The following SEC22C variants were observed in gnomAD, a reference collection of about 807,000 sequenced individuals.
The protein encoded by SEC22C is vesicle-trafficking protein SEC22c.
Under a neutral mutation model 34.7 loss-of-function variants are expected in SEC22C, and 29 were observed. The observed-to-expected ratio is 0.84, with a 90% confidence interval of 0.62 to 1.14. The LOEUF (loss-of-function observed/expected upper bound fraction) is 1.14. Among genes scored for constraint, SEC22C ranks in the 50% most tolerant of loss-of-function variants. SEC22C has a pLI of 0.00. For missense variants in SEC22C, 337 were observed against 369.0 expected, an observed-to-expected ratio of 0.91 and a Z score of 0.71; for synonymous variants, 117 against 132.8, an observed-to-expected ratio of 0.88 and a Z score of 0.82.
intron 1 of SEC22C, among the ~76,000 whole-genome samples, chr3:42,581,642 G>A (rs928971313): frequency 1.3e-5 from 2 of 152,268 alleles, no homozygotes; most frequent in Non-Finnish European, 2.9e-5. Context: ...CCCGGGGTCC[G>A]GGAACAGGCT....
In SEC22C at chr3:42,555,979, A is replaced by G. The variant is rs777054184; in HGVS notation, c.662T>C (p.Ile221Thr). Residue 221 changes from isoleucine (I) to threonine (T), a missense_variant, in exon 6 of 7, where the codon ATT becomes ACT. By Grantham distance (89) the Ile-to-Thr change is moderately conservative (BLOSUM62 -1). Coordinates refer to ENST00000264454, the MANE Select transcript of SEC22C (RefSeq NM_032970.4). ...EHSLQVAHEE[I>T]GNILAFLVPF... is the part of the protein sequence containing the mutation. The stretch of plus-strand genomic sequence containing the variant: ...AACAAGAAAAGCCAGAATGTTTCCA[A>G]TTTCCTCATGGGCAACCTAAAACAA... 1.2e-6 allele frequency: 2 copies of G among 1,613,528 alleles called. No homozygotes were observed. The highest frequency in any genetic ancestry group is 2.2e-5 in the East Asian group (1 of 44,862).
chr3:42,563,907 G>C, intron 2 of SEC22C: 1 of 1,440,034 alleles, frequency 6.9e-7, no homozygotes, highest in Non-Finnish European at 9.2e-7. Context: ...ATGACAGCCT[G>C]TGATCACTCT....
Position 42,550,463 on chromosome 3 carries a change from C to T in SEC22C, c.*2785G>A, listed in dbSNP as rs561368161. On this transcript the variant is annotated 3_prime_UTR_variant, in exon 7 of 7. Coordinates refer to ENST00000264454, the MANE Select transcript of SEC22C (RefSeq NM_032970.4). ...CAAACCTAAGCCTGGGGATTTCCCT[C>T]GGATGAAATCACCAGAACTTCTTTC... 65 of 985,434 alleles carry T rather than the reference C, an allele frequency of 6.6e-5. No homozygotes were observed. In the African/African-American group the frequency reaches 9.8e-4, roughly 15 times the overall value. The allele number at this position is 985,434 out of a possible 1,614,324, so 61.0% of individuals were successfully genotyped here.
chr3:42,561,128 T>A lies in SEC22C; in HGVS notation c.515A>T (p.His172Leu). 1.2e-6 allele frequency: 2 copies of A among 1,613,262 alleles called. No homozygotes were observed. Among genetic ancestry groups the A allele is most frequent in the Non-Finnish European group, 1.7e-6 (2 of 1,179,270 alleles). ...AACAAGCCACTTACCAGGCTCCAAG[T>A]GCATCGGTGTGTGACCATTCATCAC... is the stretch of plus-strand genomic sequence containing the variant. ...NGVMNGHTPM[H>L]LEPAPNFRME... The change falls in exon 4 of 7, where the codon CAC (histidine) becomes CTC (leucine). Residue 172 changes from histidine (H) to leucine (L), a missense_variant. His to Leu is a moderately conservative substitution (Grantham distance 99). Coordinates refer to ENST00000264454, the MANE Select transcript of SEC22C (RefSeq NM_032970.4).
intron 1 of SEC22C, chr3:42,590,890 T>A (rs775606273): frequency 6.3e-7 from 1 of 1,596,680 alleles, no homozygotes; most frequent in Non-Finnish European, 8.5e-7. Context: ...TTCCGGAGGT[T>A]CCTCGGGATG....
intron 3 of SEC22C, 137 bp downstream of exon 3, chr3:42,563,386 G>T: frequency 1.5e-6 from 1 of 677,868 alleles, no homozygotes; most frequent in Non-Finnish European, 2.5e-6. Flanking sequence ...AAATCTCATG[G>T]TACAAGTCTG....
intron 1 of SEC22C, chr3:42,594,695 T>C: frequency 2.1e-6 from 1 of 471,900 alleles, no homozygotes; most frequent in Non-Finnish European, 3.8e-6. Flanking sequence ...TGTATTCTCA[T>C]GTAAATATTT....
intron 1 of SEC22C, among the ~76,000 whole-genome samples, chr3:42,588,547 C>A (rs1704701558): frequency 6.6e-6 from 1 of 152,150 alleles, no homozygotes; most frequent in South Asian, 2.1e-4. Context: ...TGTATATATA[C>A]ATACCATATG....
At chr3:42,563,455 C>T in intron 3 of SEC22C, 68 bp downstream of exon 3, 4 of 1,425,256 alleles carry the variant, frequency 2.8e-6, no homozygotes, top group Non-Finnish European at 3.8e-6. Context: ...AAAGCCAAAC[C>T]TAAACTGTAA....
chr3:42,561,060 T>C, intron 4 of SEC22C, 57 bp downstream of exon 4: 11 of 1,520,556 alleles, frequency 7.2e-6, no homozygotes, highest in East Asian at 2.3e-5. Context: ...AAAATCAACG[T>C]CCATTTGAAA....
intron 1 of SEC22C, among the ~76,000 whole-genome samples, chr3:42,575,639 G>A (rs1032706908): frequency 6.6e-6 from 1 of 152,302 alleles, no homozygotes; most frequent in East Asian, 1.9e-4. Context: ...AACTCATAAA[G>A]TGAAAGGAGG....
chr3:42,595,824 C>T (rs1181686050), intron 1 of SEC22C, among the ~76,000 whole-genome samples: 1 of 152,122 alleles, frequency 6.6e-6, no homozygotes, highest in Non-Finnish European at 1.5e-5. Flanking sequence ...TGAATCCCAG[C>T]TCTATCCCTT....
intron 1 of SEC22C, chr3:42,600,626 T>G: frequency 3.8e-5 from 6 of 159,202 alleles, no homozygotes; most frequent in East Asian, 1.8e-4. Flanking sequence ...ACTCTCGCGG[T>G]ATTTGTCCCG....
chr3:42,594,548 C>A, intron 1 of SEC22C: 1 of 1,543,164 alleles, frequency 6.5e-7, no homozygotes, highest in South Asian at 1.1e-5. Context: ...ATTTGGCTGT[C>A]GTGAGGAGTA....
intron 1 of SEC22C, chr3:42,594,517 A>G (rs1704970654): frequency 6.2e-7 from 1 of 1,609,552 alleles, no homozygotes; most frequent in African/African-American, 1.3e-5. Context: ...TAATCTTTCA[A>G]AAGCAATAGA....
chr3:42,551,378 G>T lies in SEC22C; in HGVS notation c.*1870C>A. On this transcript the variant is annotated 3_prime_UTR_variant, in exon 7 of 7. Transcript: ENST00000264454. ...CTTTTTAGAGACAGGGTTTCACTCT[G>T]TCATGCAGGCTGGGGTGCAGTGGTG... is the stretch of plus-strand genomic sequence containing the variant. The T allele has an allele frequency of 1.0e-6, 1 of 977,220 alleles. No homozygotes were observed. The highest frequency in any genetic ancestry group is 1.2e-6 in the Non-Finnish European group (1 of 822,632). The allele number at this position is 977,220 out of a possible 1,614,324, so 60.5% of individuals were successfully genotyped here.
chr3:42,577,786 A>G (rs1224177714), intron 1 of SEC22C, among the ~76,000 whole-genome samples: 1 of 152,132 alleles, frequency 6.6e-6, no homozygotes, highest in Non-Finnish European at 1.5e-5. Context: ...CCTGGCCAAC[A>G]CGGTGAAACC....
At chr3:42,589,991 G>A (rs1393680256) in intron 1 of SEC22C, among the ~76,000 whole-genome samples, 1 of 152,184 alleles carries the variant, frequency 6.6e-6, no homozygotes, top group Non-Finnish European at 1.5e-5. Flanking sequence ...CTAAAGCCAG[G>A]CTGCCCGTAT....
At chr3:42,554,945 C>G (rs929280734) in intron 6 of SEC22C, among the ~76,000 whole-genome samples, 1 of 151,932 alleles carries the variant, frequency 6.6e-6, no homozygotes. Flanking sequence ...TCCTAAAGAA[C>G]AGGTCTGAGT....
Sources: gnomAD v4.1 joint callset for allele counts (sites outside exome capture counted in the v4.1 genomes callset) on GRCh38, gnomAD v4.1.1 for gene constraint, MANE v1.5 for transcripts, NCBI Gene and HGNC (gene_info 2026-07-23, HGNC 2026-07-21) for gene names.